The following MIA3 variants were observed in gnomAD, a reference collection of about 807,000 sequenced individuals.
MIA3 encodes the protein transport and Golgi organization protein 1 homolog.
MIA3 carries 90 observed loss-of-function variants against 192.4 expected under a neutral mutation model. The ratio of observed to expected loss-of-function variants is 0.47; its 90% CI spans 0.39 to 0.56. MIA3 has a LOEUF of 0.56. Ranked by LOEUF, MIA3 falls within the 20% of genes least tolerant of loss-of-function variation. The probability of loss-of-function intolerance (pLI) is 0.00; values close to 1 mark genes in which losing one functional copy is unlikely to be tolerated. For synonymous variants in MIA3, 740 were observed against 792.8 expected (o/e 0.93, Z 1.12); for missense variants, 2,123 against 2,269.4 (o/e 0.94, Z 1.31).
At chr1:222,643,956 G>GC (rs34598690) in intron 6 of MIA3, among the ~76,000 whole-genome samples, 29,217 of 152,114 alleles carry the variant, frequency 0.19, 3,099 homozygotes, top group Admixed American at 0.32. Flanking sequence ...AGGAAGAAAG[G>GC]CCGCGCACTG....
rs756377569 is a variant in MIA3, at chr1:222,662,310, C to T, written c.5240C>T (p.Thr1747Ile). The T allele has an allele frequency of 7.4e-6, 12 of 1,613,824 alleles. No individual in the cohort carries two copies. Among genetic ancestry groups the T allele is most frequent in the Middle Eastern group, 1.6e-4 (1 of 6,084 alleles). ...AGCAGCTCAAGAGGCTCTTCCCCTA[C>T]CAGGGTACTCGATGAAGGCAAGGTA... is the stretch of plus-strand genomic sequence containing the variant. The part of the protein sequence containing the change: ...MNSSSRGSSP[T>I]RVLDEGKVNM... The change falls in exon 26 of 28, where the codon ACC becomes ATC. Residue 1747 changes from threonine to isoleucine, a missense_variant. Thr to Ile is a moderately conservative substitution (Grantham distance 89, BLOSUM62 -1). Transcript: ENST00000344922.
At chr1:222,652,106 A>C (rs921683902) in intron 12 of MIA3, 58 bp downstream of exon 12, 5 of 1,346,446 alleles carry the variant, frequency 3.7e-6, no homozygotes, top group East Asian at 4.6e-5. Flanking sequence ...TTGATTGCAG[A>C]GCAAAAATTT....
In MIA3 at chr1:222,659,716, G is replaced by T; in HGVS notation, c.4807-18G>T. On this transcript the variant is annotated intron_variant, in intron 21 of 27. Coordinates refer to ENST00000344922, the MANE Select transcript of MIA3 (RefSeq NM_198551.4). The stretch of plus-strand genomic sequence containing the variant: ...GCATAGTCTCCCACAACTGAATTTG[G>T]ATATTTTTCTTCAATAGCTCAAAGC... The T allele has an allele frequency of 6.2e-7, 1 of 1,613,784 alleles. No homozygotes were observed. Among genetic ancestry groups the T allele is most frequent in the South Asian group, 1.1e-5 (1 of 91,024 alleles).
rs1405874973 is a variant in MIA3, at chr1:222,645,675, C to T, written c.3599C>T (p.Thr1200Ile). ...TCGTTTGCCATTTTCTTATGGAGAA[C>T]TGTCCTTGTTGTGAGTAAATTAATG... The part of the protein sequence containing the change: ...IASFAIFLWR[T>I]VLVVKDRVYQ... Residue 1200 changes from threonine to isoleucine, a missense_variant, in exon 7 of 28, where the codon ACT becomes ATT. Coordinates refer to ENST00000344922, the MANE Select transcript of MIA3 (RefSeq NM_198551.4). 1 of 1,613,844 alleles carries T rather than the reference C, an allele frequency of 6.2e-7. No individual in the cohort carries two copies. The highest frequency in any genetic ancestry group is 1.1e-5 in the South Asian group (1 of 91,042).
chr1:222,644,159 G>T (rs1167611543), intron 6 of MIA3: 5 of 527,232 alleles, frequency 9.5e-6, no homozygotes, highest in African/African-American at 5.9e-5. Context: ...AGTCACTTCC[G>T]CCTCTTTTTA....
chr1:222,632,657 C>T (rs912977509), intron 5 of MIA3, among the ~76,000 whole-genome samples: 1 of 152,170 alleles, frequency 6.6e-6, no homozygotes, highest in African/African-American at 2.4e-5. Context: ...GGGGTGGAAC[C>T]GGCAATCTGT....
At chr1:222,647,905 AT>A in intron 7 of MIA3, 1 of 375,450 alleles carries the variant, frequency 2.7e-6, no homozygotes. Context: ...TACTGGAATT[AT>A]TATGTATACA....
At chr1:222,622,014 T>A (rs928819617) in intron 2 of MIA3, among the ~76,000 whole-genome samples, 9 of 152,148 alleles carry the variant, frequency 5.9e-5, no homozygotes, top group Admixed American at 3.3e-4. Flanking sequence ...TTCACTGTGT[T>A]AGCTAGGTCT....
intron 3 of MIA3, 31 bp downstream of exon 3, chr1:222,624,885 T>A: frequency 7.5e-7 from 1 of 1,335,172 alleles, no homozygotes; most frequent in South Asian, 1.2e-5. Context: ...TTGTTCTCAG[T>A]TATAAGTTGG....
Position 222,630,250 on chromosome 1 carries a change from C to T in MIA3, c.3030C>T (p.Asn1010=). The T allele has an allele frequency of 6.2e-7, 1 of 1,614,196 alleles. No homozygotes were observed. Among genetic ancestry groups the T allele is most frequent in the Non-Finnish European group, 8.5e-7 (1 of 1,180,032 alleles). ...ENRDLGMNEN[N]IFEEAAVLDD... ...GAGATCTGGGAATGAACGAAAATAA[C>T]ATATTTGAAGAGGCTGCAGTGCTTG... The change falls in exon 4 of 28, where the codon AAC becomes AAT. Residue 1010 remains asparagine (N), a synonymous_variant. Coordinates refer to ENST00000344922, the MANE Select transcript of MIA3 (RefSeq NM_198551.4).
chr1:222,656,210 G>T (rs910976313), intron 18 of MIA3, among the ~76,000 whole-genome samples: 18 of 151,908 alleles, frequency 1.2e-4, no homozygotes, highest in African/African-American at 4.1e-4. Flanking sequence ...CTGACCTCGT[G>T]ATCCACCCGC....
chr1:222,664,476 G>T (rs1664180562), intron 27 of MIA3, among the ~76,000 whole-genome samples: 1 of 152,158 alleles, frequency 6.6e-6, no homozygotes, highest in African/African-American at 2.4e-5. Context: ...TAACTAAGAT[G>T]TCCTGTAGGT....
Position 222,665,694 on chromosome 1 carries a change from C to T in MIA3, c.*75C>T. 2 of 1,237,776 alleles carry T rather than the reference C, an allele frequency of 1.6e-6. No homozygotes were observed. The allele number at this position is 1,237,776 out of a possible 1,614,324, so 76.7% of individuals were successfully genotyped here. Reference sequence around the variant, plus strand: ...CCATTACAGTAAAGGATTTCATTGGCTTCAAAATCCAAAAGTTTATTTTAA... The same window carrying T: ...CCATTACAGTAAAGGATTTCATTGGTTTCAAAATCCAAAAGTTTATTTTAA... On this transcript the variant is annotated 3_prime_UTR_variant, in exon 28 of 28. Transcript: ENST00000344922.
chr1:222,662,423 T>G, intron 26 of MIA3, 91 bp downstream of exon 26: 1 of 1,591,816 alleles, frequency 6.3e-7, no homozygotes, highest in South Asian at 1.1e-5. Context: ...ATTTGTGTGT[T>G]CTATCTGTAC....
intron 8 of MIA3, chr1:222,649,665 G>A (rs1341280238): frequency 1.3e-5 from 2 of 152,962 alleles, no homozygotes; most frequent in East Asian, 1.9e-4. Flanking sequence ...CTACTCAGGA[G>A]GCTGAGGCAG....
intron 6 of MIA3, among the ~76,000 whole-genome samples, chr1:222,640,454 C>T (rs1423791311): frequency 2.0e-5 from 3 of 152,034 alleles, no homozygotes; most frequent in African/African-American, 7.2e-5. Flanking sequence ...AATAGAAAAT[C>T]TGGAAATATA....
rs1664295441 is a variant in MIA3, at chr1:222,666,539, CT to C, written c.*922del. ...TTAAAAATTTTAAAATGTACAGTCC[CT>C]TATCTATCTTTCCCATTCCTTGCCA... On this transcript the variant is annotated 3_prime_UTR_variant, in exon 28 of 28. Transcript: ENST00000344922. The C allele has an allele frequency of 6.6e-6, 1 of 151,924 alleles. No individual in the cohort carries two copies. Among genetic ancestry groups the C allele is most frequent in the African/African-American group, 2.4e-5 (1 of 41,330 alleles). The allele number at this position is 151,924 out of a possible 1,614,324, so 9.4% of individuals were successfully genotyped here. A position where few individuals can be genotyped will look rare whatever the true frequency, so the allele number is the denominator to read the frequency against.
rs530146277 is a variant in MIA3, at chr1:222,627,966, G to T, written c.746G>T (p.Ser249Ile). ...CCAGAAAGTGAAAACAACAAAACCA[G>T]CAATAGTTCTCAGGTCTCAAATGAA... is the stretch of plus-strand genomic sequence containing the variant. ...KVPESENNKT[S>I]NSSQVSNEQD... is the part of the protein sequence containing the mutation. The change falls in exon 4 of 28, where the codon AGC becomes ATC. Residue 249 changes from serine (S) to isoleucine (I), a missense_variant. Physicochemically the swap from Ser to Ile is moderately radical, Grantham distance 142 (BLOSUM62 -2). Around this residue, in one of 3 missense-constraint regions of MIA3, gnomAD observed 1,357 missense variants for 1,396.1 expected, o/e 0.97. Transcript: ENST00000344922. The T allele has an allele frequency of 6.2e-7, 1 of 1,614,038 alleles. No individual in the cohort carries two copies. Among genetic ancestry groups the T allele is most frequent in the African/African-American group, 1.3e-5 (1 of 75,014 alleles).
At position 222,637,614 on chromosome 1, in the gene MIA3, CTCTT is replaced by C. The variant is rs1243958509; in HGVS notation, c.3477+4369_3477+4372del. Among the ~76,000 whole-genome samples, 5 of 151,344 alleles carry C rather than the reference CTCTT, an allele frequency of 3.3e-5. No individual in the cohort carries two copies. The East Asian group carries it at 5.8e-4, about 18-fold the overall frequency. ...CCCAAAGGGTTTTGTTTTTTTCTGA[CTCTT>C]TCTAATAATCATTATGCTGTCATGG... On this transcript the variant is annotated intron_variant, in intron 6 of 27. Transcript: ENST00000344922.
Sources: gnomAD v4.1 joint callset for allele counts (sites outside exome capture counted in the v4.1 genomes callset) on GRCh38, gnomAD v4.1.1 for gene constraint, gnomAD v4.1.1 regional missense constraint, MANE v1.5 for transcripts, NCBI Gene and HGNC (gene_info 2026-07-23, HGNC 2026-07-21) for gene names.